TPO: variants seen among roughly 807,000 people sequenced by gnomAD.
TPO encodes the protein thyroid microsomal antigen.
TPO carries 78 observed loss-of-function variants against 96.9 expected under a neutral mutation model. That is an observed-to-expected ratio of 0.81 (90% CI 0.67 to 0.97). The LOEUF is 0.97. Among genes scored for constraint, TPO ranks in the 50% least tolerant of loss-of-function variants. The pLI, the probability that TPO is intolerant of heterozygous loss-of-function variation, is 0.00. For missense variants in TPO, 1,252 were observed against 1,274.8 expected (o/e 0.98, Z 0.27); for synonymous variants, 547 against 538.0 (o/e 1.02, Z -0.23).
At chr2:1,382,611 C>A (rs918822299) in intron 1 of TPO, among the ~76,000 whole-genome samples, 1 of 152,192 alleles carries the variant, frequency 6.6e-6, no homozygotes, top group Non-Finnish European at 1.5e-5. Context: ...ATACAGGCAG[C>A]AAACTGCCCT....
rs1372414235 is a variant in TPO, at chr2:1,414,451, T to C, written c.43T>C (p.Cys15Arg). 6.2e-7 allele frequency: 1 copy of C among 1,613,972 alleles called. No homozygotes were observed. The highest frequency in any genetic ancestry group is 1.3e-5 in the African/African-American group (1 of 74,920). The change falls in exon 2 of 17, where the codon TGC becomes CGC. Residue 15 changes from cysteine to arginine, a missense_variant. Transcript: ENST00000329066. ...AVLSVTLVMA[C>R]TEAFFPFISR... ...GCTGTCTGTCACGCTGGTTATGGCC[T>C]GCACAGAAGCCTTCTTCCCCTTCAT...
intron 15 of TPO, among the ~76,000 whole-genome samples, chr2:1,531,955 A>T (rs1239017878): frequency 0.01 from 395 of 39,090 alleles, no homozygotes; most frequent in Non-Finnish European, 0.011. Context: ...CCCCACTGCG[A>T]GCAACCTCCT....
intron 1 of TPO, chr2:1,374,532 A>G (rs1291828262): frequency 6.6e-6 from 1 of 152,200 alleles, no homozygotes; most frequent in Non-Finnish European, 1.5e-5. Flanking sequence ...TAAGTCATAG[A>G]AACCGTGGTC....
Position 1,423,133 on chromosome 2 carries a change from A to G in TPO, c.179+4A>G. 6.2e-7 allele frequency: 1 copy of G among 1,613,444 alleles called. No individual in the cohort carries two copies. The highest frequency in any genetic ancestry group is 8.5e-7 in the Non-Finnish European group (1 of 1,180,016). On this transcript the variant is annotated splice_donor_region_variant and intron_variant, in intron 3 of 16. Transcript: ENST00000329066. ...CCATGTACGCCACGATGCAGAGGTG[A>G]GCCTTGCGGAGGGGCCGCCGCCCCA...
chr2:1,505,313 C>G (rs1294237069), intron 14 of TPO, among the ~76,000 whole-genome samples: 1 of 150,852 alleles, frequency 6.6e-6, no homozygotes, highest in Non-Finnish European at 1.5e-5. Context: ...GCACATCCCA[C>G]TCTCCTGAGT....
chr2:1,536,613 G>C (rs1679701717), intron 15 of TPO, among the ~76,000 whole-genome samples: 2 of 26,684 alleles, frequency 7.5e-5, no homozygotes, highest in South Asian at 2.0e-3. Context: ...CTCCTCAAAT[G>C]CCCCTAGCTT....
At position 1,462,332 on chromosome 2, in the gene TPO, T is replaced by C. The variant is rs142651965; in HGVS notation, c.819+6050T>C. On this transcript the variant is annotated intron_variant, in intron 7 of 16. Coordinates refer to ENST00000329066, the MANE Select transcript of TPO (RefSeq NM_001206744.2). ...TGCGCTAAGGTCCCTGGACACAAAC[T>C]CAGGGCACAGACAAGAGGCAAACCC... is the stretch of plus-strand genomic sequence containing the variant. Among the ~76,000 whole-genome samples the C allele has an allele frequency of 5.0e-3, 761 of 151,974 alleles. 12 individuals carry two copies. Among genetic ancestry groups the C allele is most frequent in the African/African-American group, 0.018 (731 of 41,432 alleles).
Position 1,542,044 on chromosome 2 carries a change from C to T in TPO, c.2749-377C>T, listed in dbSNP as rs561556591. On this transcript the variant is annotated intron_variant, in intron 16 of 16. Transcript: ENST00000329066. The stretch of plus-strand genomic sequence containing the variant: ...TTTTCCAGCCACAGCAAGGGCAGTG[C>T]CAGCAAGTCCCCTGGGCCCCTAATT... 2.0e-5 allele frequency: 6 copies of T among 294,166 alleles called. No individual in the cohort carries two copies. In the South Asian group the frequency reaches 3.1e-4, roughly 15 times the overall value. 18.2% of individuals were successfully genotyped at this position (294,166 alleles called of 1,614,324 possible).
At chr2:1,379,626 A>G (rs1014243201) in intron 1 of TPO, among the ~76,000 whole-genome samples, 1 of 152,190 alleles carries the variant, frequency 6.6e-6, no homozygotes, top group Non-Finnish European at 1.5e-5. Context: ...GGGCGTCGGT[A>G]TAGCTCACAG....
chr2:1,446,901 T>C (rs1213757989), intron 5 of TPO, among the ~76,000 whole-genome samples: 1 of 152,220 alleles, frequency 6.6e-6, no homozygotes, highest in Non-Finnish European at 1.5e-5. Flanking sequence ...CTGCTGAAAA[T>C]GTTATTGTTT....
chr2:1,391,804 T>G (rs954914489), intron 1 of TPO, among the ~76,000 whole-genome samples: 1 of 152,222 alleles, frequency 6.6e-6, no homozygotes, highest in African/African-American at 2.4e-5. Flanking sequence ...ACTCATGATT[T>G]GGCTCTCTGT....
At chr2:1,466,191 A>G (rs1210932237) in intron 7 of TPO, among the ~76,000 whole-genome samples, 1 of 152,134 alleles carries the variant, frequency 6.6e-6, no homozygotes, top group African/African-American at 2.4e-5. Flanking sequence ...GGTGTATCAC[A>G]TTTATTGACT....
chr2:1,417,249 A>G (rs56019153), intron 2 of TPO, among the ~76,000 whole-genome samples: 24 of 122,626 alleles, frequency 2.0e-4, no homozygotes, highest in African/African-American at 7.5e-4. Context: ...CCAACACAGT[A>G]TCAGGCCAGT....
At chr2:1,473,801 G>A (rs1255151110) in intron 7 of TPO, among the ~76,000 whole-genome samples, 1 of 151,544 alleles carries the variant, frequency 6.6e-6, no homozygotes, top group East Asian at 1.9e-4. Context: ...ACCATTCATG[G>A]TACTTTGCTA....
chr2:1,435,947 T>C (rs1263770339), intron 4 of TPO, among the ~76,000 whole-genome samples: 3 of 152,184 alleles, frequency 2.0e-5, no homozygotes, highest in Middle Eastern at 3.2e-3. Context: ...TGATGGTAAC[T>C]GCAAAGTTAC....
intron 2 of TPO, among the ~76,000 whole-genome samples, chr2:1,415,376 G>A (rs1322120723): frequency 2.8e-5 from 4 of 142,162 alleles, no homozygotes; most frequent in Non-Finnish European, 6.1e-5. Context: ...CAGGTCCCTG[G>A]GCCTCTGGAC....
At chr2:1,466,524 CT>C (rs1170640110) in intron 7 of TPO, among the ~76,000 whole-genome samples, 2 of 152,050 alleles carry the variant, frequency 1.3e-5, no homozygotes, top group African/African-American at 2.4e-5. Context: ...TGGTTCTTGA[CT>C]TTTTTTGTTG....
chr2:1,437,453 C>A lies in TPO; in HGVS notation c.482+1069C>A, dbSNP rs558464184. On this transcript the variant is annotated intron_variant, in intron 5 of 16. Coordinates refer to ENST00000329066, the MANE Select transcript of TPO (RefSeq NM_001206744.2). ...CTGAGGTCAGAAGGAAGATGCCCCC[C>A]CCGAGAGAGGGATCAGCGGGACCCA... Among the ~76,000 whole-genome samples the A allele has an allele frequency of 9.8e-3, 1,497 of 152,188 alleles. 13 individuals carry two copies. Among genetic ancestry groups the A allele is most frequent in the Non-Finnish European group, 0.016 (1,077 of 68,006 alleles).
At chr2:1,421,189 G>A (rs1432835029) in intron 2 of TPO, among the ~76,000 whole-genome samples, 2 of 152,158 alleles carry the variant, frequency 1.3e-5, no homozygotes, top group South Asian at 2.1e-4. Context: ...AAGGCACGAC[G>A]GCCGGGAGCA....
Sources: gnomAD v4.1 joint callset for allele counts (sites outside exome capture counted in the v4.1 genomes callset) on GRCh38, gnomAD v4.1.1 for gene constraint, MANE v1.5 for transcripts, NCBI Gene and HGNC (gene_info 2026-07-23, HGNC 2026-07-21) for gene names.